Variants in MROH2A observed in about 807,000 individuals in gnomAD.
The protein encoded by MROH2A is maestro heat like repeat family member 2A.
A neutral mutation model predicts 200.4 loss-of-function variants in MROH2A; 174 were observed. That is an observed-to-expected ratio of 0.87 (90% confidence interval 0.77 to 0.98). MROH2A has a LOEUF of 0.98. Ranked by LOEUF, MROH2A falls within the 50% of genes least tolerant of loss-of-function variation. The probability of loss-of-function intolerance (pLI) is 0.00; values close to 1 mark genes in which losing one functional copy is unlikely to be tolerated. For missense variants in MROH2A, 2,045 were observed against 2,139.6 expected, an observed-to-expected ratio of 0.96 and a Z score of 0.87; for synonymous variants, 829 against 840.4, an observed-to-expected ratio of 0.99 and a Z score of 0.23.
At chr2:233,801,591 G>A (rs1375076118) in intron 14 of MROH2A, among the ~76,000 whole-genome samples, 1 of 152,180 alleles carries the variant, frequency 6.6e-6, no homozygotes, top group East Asian at 1.9e-4. Context: ...CCTTGTGGCT[G>A]AATATCTTCT....
At chr2:233,813,131 C>T (rs537058296) in intron 24 of MROH2A, among the ~76,000 whole-genome samples, 2 of 152,322 alleles carry the variant, frequency 1.3e-5, no homozygotes, top group Admixed American at 1.3e-4. Context: ...GAAGAATGAG[C>T]TAGCATGCAC....
At position 233,789,627 on chromosome 2, in the gene MROH2A, A is replaced by G. The variant is rs1260040190; in HGVS notation, c.407A>G (p.Glu136Gly). 4.1e-6 allele frequency: 6 copies of G among 1,457,880 alleles called. No homozygotes were observed. The highest frequency in any genetic ancestry group is 5.4e-6 in the Non-Finnish European group (6 of 1,102,492). 90.3% of individuals were successfully genotyped at this position (1,457,880 alleles called of 1,614,324 possible). ...TCCAAGGAGATGAGGGAGATCCCAG[A>G]GGTAGGACCCCAAGCTCCATCGGTG... is the stretch of plus-strand genomic sequence containing the variant. ...IASKEMREIP[E>G]MEGYMKAEVA... is the part of the protein sequence containing the mutation. The change falls in exon 4 of 42, where the codon GAG becomes GGG. Residue 136 changes from glutamate to glycine, a missense_variant and splice_region_variant. Physicochemically the swap from Glu to Gly is moderately conservative, Grantham distance 98. Transcript: ENST00000389758.
chr2:233,813,858 C>A, intron 25 of MROH2A, 80 bp downstream of exon 25: 1 of 722,582 alleles, frequency 1.4e-6, no homozygotes, highest in Non-Finnish European at 2.4e-6. Flanking sequence ...GAGAGTCCAC[C>A]TTCCTGAACC....
At chr2:233,804,617 GTGGGC>G in intron 18 of MROH2A, 70 bp downstream of exon 18, 5 of 1,418,270 alleles carry the variant, frequency 3.5e-6, no homozygotes, top group Middle Eastern at 1.7e-4. Context: ...AAGGCATTTG[GTGGGC>G]TGGGCACATG....
intron 39 of MROH2A, among the ~76,000 whole-genome samples, chr2:233,831,880 A>G (rs1704782551): frequency 6.6e-6 from 1 of 152,254 alleles, no homozygotes; most frequent in Non-Finnish European, 1.5e-5. Context: ...GTACCATCTT[A>G]AAACCCAGGG....
At chr2:233,800,395 TC>T in intron 14 of MROH2A, 80 bp downstream of exon 14, 1 of 807,426 alleles carries the variant, frequency 1.2e-6, no homozygotes, top group South Asian at 1.8e-5. Context: ...GAATTCCACA[TC>T]TTTGCTTCTT....
Position 233,802,317 on chromosome 2 carries a change from T to G in MROH2A, c.1708+2T>G. 2.6e-6 allele frequency: 4 copies of G among 1,548,570 alleles called. No individual in the cohort carries two copies. In the African/African-American group the frequency reaches 4.1e-5, roughly 16 times the overall value. On this transcript the variant is annotated splice_donor_variant, in intron 15 of 41. Transcript: ENST00000389758. LOFTEE classifies it high-confidence loss of function. ...GCGTGGCTGGCAAGAGCAGGCAAGG[T>G]GGGCAAAGTTCCTGTCCAGCTGATT...
intron 24 of MROH2A, 76 bp from the exon 25 acceptor site, chr2:233,813,594 C>A: frequency 1.2e-6 from 1 of 866,514 alleles, no homozygotes; most frequent in African/African-American, 1.7e-5. Context: ...TGTTTCCGTG[C>A]CCAGATTGGG....
chr2:233,795,475 G>T, intron 8 of MROH2A, 178 bp from the exon 9 acceptor site: 2 of 984,938 alleles, frequency 2.0e-6, no homozygotes, highest in South Asian at 1.6e-5. Context: ...TGGGGGCTGG[G>T]TGAAATGCAG....
chr2:233,829,646 C>A lies in MROH2A; in HGVS notation c.4473C>A (p.Ala1491=), dbSNP rs1312512827. ...AGAGCGAGCTGCTGCGTCTGAAAGC[C>A]TTCATCCTCTTTGGAAAGCTGGCAA... ...DNESELLRLK[A]FILFGKLARV... The change falls in exon 38 of 42, where the codon GCC becomes GCA. Residue 1491 remains alanine (A), a synonymous_variant. Transcript: ENST00000389758. 7 of 1,469,490 alleles carry A rather than the reference C, an allele frequency of 4.8e-6. No homozygotes were observed. Among genetic ancestry groups the A allele is most frequent in the Non-Finnish European group, 5.4e-6 (6 of 1,108,690 alleles). The allele number at this position is 1,469,490 out of a possible 1,614,324, so 91.0% of individuals were successfully genotyped here.
In MROH2A at chr2:233,807,962, G is replaced by A. The variant is rs954846411; in HGVS notation, c.2295+107G>A. 7.3e-7 allele frequency: 1 copy of A among 1,373,548 alleles called. No individual in the cohort carries two copies. Among genetic ancestry groups the A allele is most frequent in the Non-Finnish European group, 1.0e-6 (1 of 998,496 alleles). 85.1% of individuals were successfully genotyped at this position (1,373,548 alleles called of 1,614,324 possible). Reference sequence around the variant, plus strand: ...TCTCAGTAGGAAACTTGCCTCACACGGAGTCTCCTGTCATCAAAATGGCTG... The same window carrying A: ...TCTCAGTAGGAAACTTGCCTCACACAGAGTCTCCTGTCATCAAAATGGCTG... On this transcript the variant is annotated intron_variant, in intron 21 of 41. Transcript: ENST00000389758. This position sits in a 1 kb window ranked among gnomAD's most constrained non-coding sequence, Gnocchi z 4.3.
intron 19 of MROH2A, among the ~76,000 whole-genome samples, chr2:233,806,298 T>C (rs1702785994): frequency 6.6e-6 from 1 of 152,152 alleles, no homozygotes; most frequent in Middle Eastern, 3.2e-3. Flanking sequence ...AAGAGGTAAA[T>C]TTTATAGATA....
Position 233,818,772 on chromosome 2 carries a change from T to G in MROH2A, c.3204+2T>G. ...TGTGCATCCTCCAGAATCGCCAAGG[T>G]GACAGCCGGGGAGCCTGCCTGGGCT... On this transcript the variant is annotated splice_donor_variant, in intron 29 of 41. Transcript: ENST00000389758. LOFTEE classifies it high-confidence loss of function. The G allele has an allele frequency of 6.5e-7, 1 of 1,536,376 alleles. No individual in the cohort carries two copies. Among genetic ancestry groups the G allele is most frequent in the Non-Finnish European group, 8.8e-7 (1 of 1,134,766 alleles).
At chr2:233,805,677 C>G (rs1181455335) in intron 19 of MROH2A, among the ~76,000 whole-genome samples, 3 of 152,176 alleles carry the variant, frequency 2.0e-5, no homozygotes, top group African/African-American at 7.2e-5. Context: ...AGTAAAACTC[C>G]TTACACAATT....
Position 233,796,202 on chromosome 2 carries a change from C to A in MROH2A, c.1141C>A (p.Arg381Ser), listed in dbSNP as rs536790313. The A allele has an allele frequency of 6.5e-7, 1 of 1,548,748 alleles. No homozygotes were observed. Among genetic ancestry groups the A allele is most frequent in the South Asian group, 1.2e-5 (1 of 83,890 alleles). The change falls in exon 11 of 42, where the codon CGC (arginine) becomes AGC (serine). Residue 381 changes from arginine (R) to serine (S), a missense_variant and splice_region_variant. By Grantham distance (110) the Arg-to-Ser change is moderately radical. Coordinates refer to ENST00000389758, the MANE Select transcript of MROH2A (RefSeq NM_001394639.1). Reference sequence around the variant, plus strand: ...AAAGCTGTCCTTCCACCCTGCAGCTCGCTCCTACCCCAAGGAGCTGATGAA... The same window carrying A: ...AAAGCTGTCCTTCCACCCTGCAGCTAGCTCCTACCCCAAGGAGCTGATGAA... The part of the protein sequence containing the change: ...EMVHCFVALA[R>S]SYPKELMKFF...
chr2:233,789,206 G>A (rs551833555), intron 3 of MROH2A, among the ~76,000 whole-genome samples: 7 of 152,258 alleles, frequency 4.6e-5, no homozygotes, highest in Admixed American at 2.6e-4. Context: ...GATGGCCAAT[G>A]CCCCATGCAT....
intron 1 of MROH2A, 47 bp from the exon 2 acceptor site, chr2:233,779,298 G>A: frequency 1.6e-6 from 2 of 1,228,746 alleles, no homozygotes; most frequent in Non-Finnish European, 2.3e-6. Flanking sequence ...GTCATCTTAA[G>A]GTGTGTGTCA....
In MROH2A at chr2:233,794,373, GGGTGATCAAGTC is replaced by G; in HGVS notation, c.834_845del (p.Val279_Ser282del). On this transcript the variant is annotated inframe_deletion, in exon 8 of 42. Transcript: ENST00000389758. ...GGTTTCTGGTGGCAGGTGAAGCTGG[GGGTGATCAAGTC>G]CCTGAAGCCCATGCTCGGCCTCCTT... The G allele has an allele frequency of 6.4e-7, 1 of 1,550,438 alleles. No individual in the cohort carries two copies. The highest frequency in any genetic ancestry group is 8.7e-7 in the Non-Finnish European group (1 of 1,146,872).
chr2:233,823,553 C>T lies in MROH2A; in HGVS notation c.4005-3C>T. 2.6e-6 allele frequency: 4 copies of T among 1,549,612 alleles called. No homozygotes were observed. Among genetic ancestry groups the T allele is most frequent in the Non-Finnish European group, 2.6e-6 (3 of 1,146,738 alleles). Reference sequence around the variant, plus strand: ...ACGACCTGGCACTGTCTCTCCTCTGCAGGCTGTGCATGCAGCACGTGGAGG... The same window carrying T: ...ACGACCTGGCACTGTCTCTCCTCTGTAGGCTGTGCATGCAGCACGTGGAGG... On this transcript the variant is annotated splice_polypyrimidine_tract_variant and splice_region_variant and intron_variant, in intron 34 of 41. Coordinates refer to ENST00000389758, the MANE Select transcript of MROH2A (RefSeq NM_001394639.1).
Sources: gnomAD v4.1 joint callset for allele counts (sites outside exome capture counted in the v4.1 genomes callset) on GRCh38, gnomAD v4.1.1 for gene constraint, Gnocchi (gnomAD v3.1) non-coding constraint, MANE v1.5 for transcripts, NCBI Gene and HGNC (gene_info 2026-07-23, HGNC 2026-07-21) for gene names.